BRWD1: variants seen among roughly 807,000 people sequenced by gnomAD.
BRWD1 encodes the protein bromodomain and WD repeat-containing protein 1.
In BRWD1, 82 loss-of-function variants were observed where a neutral mutation model predicts 251.2. The observed-to-expected ratio is 0.33, with a 90% CI of 0.27 to 0.39. The LOEUF (loss-of-function observed/expected upper bound fraction) is 0.39, where lower values mean the gene tolerates loss of function less well. Ranked by LOEUF, BRWD1 falls within the 10% of genes least tolerant of loss-of-function variation. BRWD1 has a pLI of 1.00. For missense variants in BRWD1, 2,233 were observed against 2,711.6 expected (o/e 0.82, Z 3.92); for synonymous variants, 918 against 902.8 (o/e 1.02, Z -0.30).
intron 15 of BRWD1, 97 bp downstream of exon 15, chr21:39,269,802 G>T: frequency 9.0e-7 from 1 of 1,110,066 alleles, no homozygotes; most frequent in Non-Finnish European, 1.2e-6. Context: ...AAAACAAACT[G>T]CCAAAACAAG....
intron 1 of BRWD1, among the ~76,000 whole-genome samples, chr21:39,320,060 T>C (rs1322952639): frequency 1.3e-5 from 2 of 152,166 alleles, no homozygotes; most frequent in Non-Finnish European, 2.9e-5. Context: ...CCTCCCTCCC[T>C]GCTCCACACC....
Position 39,190,904 on chromosome 21 carries a change from T to G in BRWD1, c.*5355A>C. The G allele has an allele frequency of 1.0e-6, 1 of 985,384 alleles. No individual in the cohort carries two copies. The highest frequency in any genetic ancestry group is 1.2e-6 in the Non-Finnish European group (1 of 829,888). 61.0% of individuals were successfully genotyped at this position (985,384 alleles called of 1,614,324 possible). A position where few individuals can be genotyped will look rare whatever the true frequency, so the allele number is the denominator to read the frequency against. ...CTCAATGATGGGCACCACACAACTC[T>G]GAATTTTTGTTCTTATTCTGGAACT... On this transcript the variant is annotated 3_prime_UTR_variant, in exon 41 of 41. Transcript: ENST00000342449.
chr21:39,213,527 T>G lies in BRWD1; in HGVS notation c.3812A>C (p.Glu1271Ala). 6.2e-7 allele frequency: 1 copy of G among 1,612,124 alleles called. No individual in the cohort carries two copies. The highest frequency in any genetic ancestry group is 8.5e-7 in the Non-Finnish European group (1 of 1,179,140). ...ATCATTTTCAGATGTGTTAGAAAGTTCTGAGATATTTGTACAGTGTTGATT... is the reference window on the plus strand; with the variant it reads ...ATCATTTTCAGATGTGTTAGAAAGTGCTGAGATATTTGTACAGTGTTGATT... ...IKNQHCTNISELSNTSENDEQ... is the reference protein window; with the variant it reads ...IKNQHCTNISALSNTSENDEQ... The change falls in exon 33 of 41, where the codon GAA (glutamate) becomes GCA (alanine). Residue 1271 changes from glutamate to alanine, a missense_variant. This residue lies in a region of BRWD1 where 167 missense variants were observed against 183.2 expected (regional missense o/e 0.91). Transcript: ENST00000342449.
intron 8 of BRWD1, 62 bp downstream of exon 8, chr21:39,293,749 A>G (rs2035879179): frequency 3.1e-6 from 4 of 1,309,642 alleles, no homozygotes; most frequent in Non-Finnish European, 4.3e-6. Flanking sequence ...TTCCAAAGAA[A>G]CTGTTTTAAA....
Position 39,264,445 on chromosome 21 carries a change from AAAG to A in BRWD1, c.1885+12_1885+14del, listed in dbSNP as rs750775275. ...TACAACTTTAAAAAAAAAAAAAAAA[AAAG>A]ACTGCACTTACTTGTTGCCACATAG... On this transcript the variant is annotated intron_variant, in intron 17 of 40. Coordinates refer to ENST00000342449, the MANE Select transcript of BRWD1 (RefSeq NM_033656.4). 1.5e-5 allele frequency: 22 copies of A among 1,420,792 alleles called. No individual in the cohort carries two copies. The highest frequency in any genetic ancestry group is 2.0e-4 in the Middle Eastern group (1 of 5,064). 88.0% of individuals were successfully genotyped at this position (1,420,792 alleles called of 1,614,324 possible).
intron 35 of BRWD1, among the ~76,000 whole-genome samples, chr21:39,210,397 C>G (rs1326526202): frequency 6.6e-6 from 1 of 152,152 alleles, no homozygotes; most frequent in Admixed American, 6.6e-5. Flanking sequence ...GTACTCCAAG[C>G]ATCCTACAGT....
intron 20 of BRWD1, among the ~76,000 whole-genome samples, chr21:39,248,627 G>T: frequency 8.8e-6 from 1 of 113,810 alleles, no homozygotes. Context: ...GGGCAAGAGT[G>T]AGACCCTATC....
upstream of BRWD1, among the ~76,000 whole-genome samples, chr21:39,316,853 GC>G (rs1465935231): frequency 7.3e-6 from 1 of 137,084 alleles, no homozygotes; most frequent in Admixed American, 7.1e-5. Flanking sequence ...CATGAGAATG[GC>G]TAGAGCCGGG....
At position 39,186,877 on chromosome 21, in the gene BRWD1, CTG is replaced by C. The variant is rs554995980; in HGVS notation, c.*9380_*9381del. ...GAGCACATGTCTGTACAAGAGCTGA[CTG>C]GGAGGAACCCACTGGATTATGGCTT... On this transcript the variant is annotated 3_prime_UTR_variant, in exon 41 of 41. Coordinates refer to ENST00000342449, the MANE Select transcript of BRWD1 (RefSeq NM_033656.4). The C allele has an allele frequency of 3.0e-6, 4 of 1,340,364 alleles. No homozygotes were observed. Among genetic ancestry groups the C allele is most frequent in the Non-Finnish European group, 4.0e-6 (4 of 1,012,140 alleles). The allele number at this position is 1,340,364 out of a possible 1,614,324, so 83.0% of individuals were successfully genotyped here. A position where few individuals can be genotyped will look rare whatever the true frequency, so the allele number is the denominator to read the frequency against.
intron 36 of BRWD1, among the ~76,000 whole-genome samples, chr21:39,208,280 A>G (rs1193040161): frequency 1.3e-5 from 2 of 152,176 alleles, no homozygotes; most frequent in Non-Finnish European, 2.9e-5. Flanking sequence ...TTGTCGCTGA[A>G]AAAAAACAGT....
intron 4 of BRWD1, 83 bp downstream of exon 4, chr21:39,312,758 G>A (rs1402608255): frequency 5.1e-6 from 6 of 1,186,274 alleles, no homozygotes; most frequent in Non-Finnish European, 7.1e-6. Context: ...GCACCCCACG[G>A]GCCGGGGTCC....
chr21:39,215,584 A>G (rs1425538385), intron 31 of BRWD1, among the ~76,000 whole-genome samples: 3 of 152,238 alleles, frequency 2.0e-5, no homozygotes, highest in Admixed American at 6.5e-5. Flanking sequence ...AAATCTTAAC[A>G]AATTACTTAA....
intron 13 of BRWD1, among the ~76,000 whole-genome samples, chr21:39,273,210 T>C (rs1160087604): frequency 1.3e-5 from 2 of 152,342 alleles, no homozygotes; most frequent in African/African-American, 4.8e-5. Flanking sequence ...AAAACAATAA[T>C]AGGTGAAACT....
At chr21:39,219,455 A>G (rs2836942) in intron 29 of BRWD1, 71,921 of 152,102 alleles carry the variant, frequency 0.47, 17,183 homozygotes, top group Admixed American at 0.54. Flanking sequence ...AGGAAGCTCA[A>G]AATATTTTAG....
At chr21:39,269,863 T>C in intron 15 of BRWD1, 36 bp downstream of exon 15, 1 of 1,424,206 alleles carries the variant, frequency 7.0e-7, no homozygotes, top group Non-Finnish European at 9.3e-7. Flanking sequence ...AAACAAATTA[T>C]CAAGCATGTA....
At chr21:39,212,386 C>T (rs2032699483) in intron 34 of BRWD1, among the ~76,000 whole-genome samples, 1 of 152,160 alleles carries the variant, frequency 6.6e-6, no homozygotes, top group African/African-American at 2.4e-5. Context: ...GTTCCCTTAA[C>T]AGTCTATGGA....
At chr21:39,304,957 ATTTTTTTT>A (rs36090972) in intron 4 of BRWD1, among the ~76,000 whole-genome samples, 2 of 121,206 alleles carry the variant, frequency 1.7e-5, no homozygotes, top group African/African-American at 6.2e-5. Flanking sequence ...ATATTTGGAG[ATTTTTTTT>A]TTTTTTTTTT....
At chr21:39,250,418 A>T (rs554296980) in intron 20 of BRWD1, among the ~76,000 whole-genome samples, 1 of 152,324 alleles carries the variant, frequency 6.6e-6, no homozygotes, top group East Asian at 1.9e-4. Context: ...GAAAAAAATG[A>T]AATTACCAGA....
intron 18 of BRWD1, among the ~76,000 whole-genome samples, chr21:39,256,758 A>C (rs1036813506): frequency 6.6e-6 from 1 of 152,164 alleles, no homozygotes; most frequent in African/African-American, 2.4e-5. Context: ...CAACAGAAAA[A>C]CTGAGGGTGA....
Sources: gnomAD v4.1 joint callset for allele counts (sites outside exome capture counted in the v4.1 genomes callset) on GRCh38, gnomAD v4.1.1 for gene constraint, gnomAD v4.1.1 regional missense constraint, MANE v1.5 for transcripts, NCBI Gene and HGNC (gene_info 2026-07-23, HGNC 2026-07-21) for gene names.